CD2AP: variants seen among roughly 807,000 people sequenced by gnomAD.
CD2AP encodes the protein CD2-associated protein.
A neutral mutation model predicts 85.1 loss-of-function variants in CD2AP; 46 were observed. That is an observed-to-expected ratio of 0.54 (90% CI 0.43 to 0.69). The LOEUF (loss-of-function observed/expected upper bound fraction) is 0.69, where lower values mean the gene tolerates loss of function less well. Among genes scored for constraint, CD2AP ranks in the 30% least tolerant of loss-of-function variants. The pLI is 0.00. For synonymous variants in CD2AP, 255 were observed against 252.9 expected, an observed-to-expected ratio of 1.01 and a Z score of -0.08; for missense variants, 769 against 729.5, an observed-to-expected ratio of 1.05 and a Z score of -0.62.
intron 2 of CD2AP, among the ~76,000 whole-genome samples, chr6:47,530,454 C>T (rs957939780): frequency 6.6e-6 from 1 of 152,066 alleles, no homozygotes; most frequent in Non-Finnish European, 1.5e-5. Flanking sequence ...TTTTAATGTA[C>T]CATATATATT....
chr6:47,540,042 G>T (rs1383554642), intron 3 of CD2AP, among the ~76,000 whole-genome samples: 1 of 151,342 alleles, frequency 6.6e-6, no homozygotes, highest in African/African-American at 2.4e-5. Context: ...AATTAGCCCA[G>T]TATGGTGGTG....
At chr6:47,507,716 A>G (rs551399589) in intron 2 of CD2AP, among the ~76,000 whole-genome samples, 2 of 152,310 alleles carry the variant, frequency 1.3e-5, no homozygotes, top group Admixed American at 6.5e-5. Context: ...AAATGCAGAG[A>G]TTACAGGTGT....
intron 13 of CD2AP, 123 bp from the exon 14 acceptor site, chr6:47,606,042 G>A (rs552499622): frequency 3.2e-6 from 2 of 625,318 alleles, no homozygotes; most frequent in Non-Finnish European, 5.6e-6. Context: ...AGGTCAATTT[G>A]TGAGTTCTTC....
chr6:47,599,230 C>A, intron 12 of CD2AP, 71 bp from the exon 13 acceptor site: 3 of 1,306,544 alleles, frequency 2.3e-6, no homozygotes, highest in Non-Finnish European at 3.3e-6. Flanking sequence ...TCTTTAATGT[C>A]ATTAAATCAC....
At chr6:47,483,353 G>A (rs113122581) in intron 1 of CD2AP, among the ~76,000 whole-genome samples, 2,377 of 152,270 alleles carry the variant, frequency 0.016, 43 homozygotes, top group African/African-American at 0.038. Context: ...TGTGGAACAG[G>A]CCTTTGGGAG....
intron 13 of CD2AP, among the ~76,000 whole-genome samples, chr6:47,601,891 T>C (rs1195262862): frequency 6.6e-6 from 1 of 152,006 alleles, no homozygotes; most frequent in Non-Finnish European, 1.5e-5. Flanking sequence ...TTTTATTTAC[T>C]AGTTGATTGC....
chr6:47,544,509 A>AT (rs1378999751), intron 3 of CD2AP, 97 bp from the exon 4 acceptor site: 2 of 807,292 alleles, frequency 2.5e-6, no homozygotes, highest in African/African-American at 3.5e-5. Context: ...GTTTTTATTT[A>AT]TTTATATAAG....
rs1433477612 is a variant in CD2AP, at chr6:47,615,787, AATTTAATTT to A, written c.1878+3257_1878+3265del. Among the ~76,000 whole-genome samples, 706 of 94,636 alleles carry A rather than the reference AATTTAATTT, an allele frequency of 7.5e-3. 5 individuals are homozygous for A. The highest frequency in any genetic ancestry group is 0.011 in the Non-Finnish European group (451 of 42,110). 62.1% of individuals were successfully genotyped at this position (94,636 alleles called of 152,430 possible). A position where few individuals can be genotyped will look rare whatever the true frequency, so the allele number is the denominator to read the frequency against. ...TTAATTTTAATTTTAATTTTAATTT[AATTTAATTT>A]ATTTATTTATTTATTTATTTATTTA... On this transcript the variant is annotated intron_variant, in intron 17 of 17. Transcript: ENST00000359314.
chr6:47,576,294 T>C (rs1768310157), intron 6 of CD2AP, among the ~76,000 whole-genome samples: 1 of 152,174 alleles, frequency 6.6e-6, no homozygotes, highest in Non-Finnish European at 1.5e-5. Flanking sequence ...ACTATGGACG[T>C]CAGAGAATAT....
chr6:47,490,446 T>C (rs1339085105), intron 1 of CD2AP, among the ~76,000 whole-genome samples: 2 of 152,172 alleles, frequency 1.3e-5, no homozygotes, highest in East Asian at 3.8e-4. Context: ...TAAAAATAAT[T>C]TCTAGTGTTT....
chr6:47,493,403 C>T (rs1765782128), intron 1 of CD2AP, among the ~76,000 whole-genome samples: 1 of 148,576 alleles, frequency 6.7e-6, no homozygotes, highest in Non-Finnish European at 1.5e-5. Context: ...CCTTTCTTGC[C>T]TTCATGTTTT....
intron 11 of CD2AP, among the ~76,000 whole-genome samples, chr6:47,583,299 G>A (rs566973986): frequency 1.4e-4 from 21 of 152,182 alleles, no homozygotes; most frequent in African/African-American, 4.8e-4. Context: ...GTTTCCTTTA[G>A]TGTTCACTCC....
chr6:47,610,969 G>A (rs7757703), intron 16 of CD2AP, among the ~76,000 whole-genome samples: 75,174 of 111,094 alleles, frequency 0.68, 23,900 homozygotes, highest in Middle Eastern at 0.76. Flanking sequence ...ATATATATAT[G>A]TATTTTTTTT....
At chr6:47,532,308 A>G (rs1766902823) in intron 2 of CD2AP, among the ~76,000 whole-genome samples, 1 of 150,290 alleles carries the variant, frequency 6.7e-6, no homozygotes, top group Non-Finnish European at 1.5e-5. Context: ...ATGCCACTGC[A>G]CTCCAACCTG....
chr6:47,491,017 G>A (rs1218841225), intron 1 of CD2AP, among the ~76,000 whole-genome samples: 5 of 152,198 alleles, frequency 3.3e-5, no homozygotes, highest in East Asian at 3.9e-4. Flanking sequence ...GGATGATATT[G>A]TGCTTTTTAT....
intron 4 of CD2AP, among the ~76,000 whole-genome samples, chr6:47,546,313 T>G (rs1767363547): frequency 6.6e-6 from 1 of 151,652 alleles, no homozygotes; most frequent in Non-Finnish European, 1.5e-5. Context: ...AGACAAAGAA[T>G]AAGAAAATAT....
At chr6:47,529,178 G>A (rs1242631102) in intron 2 of CD2AP, among the ~76,000 whole-genome samples, 2 of 84,030 alleles carry the variant, frequency 2.4e-5, no homozygotes, top group African/African-American at 5.3e-5. Flanking sequence ...TTTAACTCTA[G>A]TACTGCCCCC....
chr6:47,593,434 A>G (rs1768855261), intron 11 of CD2AP, among the ~76,000 whole-genome samples: 1 of 152,112 alleles, frequency 6.6e-6, no homozygotes, highest in Non-Finnish European at 1.5e-5. Context: ...GTATTTATCT[A>G]AAGGAGATAT....
intron 2 of CD2AP, among the ~76,000 whole-genome samples, chr6:47,511,491 A>G (rs1001949212): frequency 6.6e-6 from 1 of 152,218 alleles, no homozygotes; most frequent in Non-Finnish European, 1.5e-5. Flanking sequence ...AAATCCATAT[A>G]CAGTTAGTAG....
Sources: gnomAD v4.1 joint callset for allele counts (sites outside exome capture counted in the v4.1 genomes callset) on GRCh38, gnomAD v4.1.1 for gene constraint, MANE v1.5 for transcripts, NCBI Gene and HGNC (gene_info 2026-07-23, HGNC 2026-07-21) for gene names.